The following TMEM178A variants were observed in gnomAD, a reference collection of about 807,000 sequenced individuals.
TMEM178A encodes the protein transmembrane protein 178A.
Under a neutral mutation model 29.1 loss-of-function variants are expected in TMEM178A, and 12 were observed. That is an observed-to-expected ratio of 0.41 (90% CI 0.26 to 0.67). The LOEUF is 0.67. Ranked by LOEUF, TMEM178A falls within the 30% of genes least tolerant of loss-of-function variation. The probability of loss-of-function intolerance (pLI) is 0.29; values close to 1 mark genes in which losing one functional copy is unlikely to be tolerated. For synonymous variants in TMEM178A, 210 were observed against 187.2 expected, an observed-to-expected ratio of 1.12 and a Z score of -0.99; for missense variants, 366 against 419.1, an observed-to-expected ratio of 0.87 and a Z score of 1.11.
intron 1 of TMEM178A, 55 bp downstream of exon 1, chr2:39,666,429 C>G (rs1264388851): frequency 1.6e-6 from 2 of 1,239,830 alleles, no homozygotes; most frequent in African/African-American, 1.6e-5. Context: ...GCGCAGCCCG[C>G]GGCTTCCCAG....
rs947230546 is a variant in TMEM178A at position 39,717,509 on chromosome 2, A to C, written c.*258A>C. 28 of 356,206 alleles carry C rather than the reference A, an allele frequency of 7.9e-5. No homozygotes were observed. The highest frequency in any genetic ancestry group is 7.8e-4 in the Admixed American group (18 of 22,962). 22.1% of individuals were successfully genotyped at this position (356,206 alleles called of 1,614,324 possible). A position where few individuals can be genotyped will look rare whatever the true frequency, so the allele number is the denominator to read the frequency against. On this transcript the variant is annotated 3_prime_UTR_variant, in exon 4 of 4. Transcript: ENST00000281961. ...TGCCATGGGACATTTCTAGGTGTAG[A>C]GAAAGAAGAAACTGCAATGGAAAAA...
chr2:39,704,910 A>G (rs1671957643), intron 2 of TMEM178A, among the ~76,000 whole-genome samples: 1 of 152,212 alleles, frequency 6.6e-6, no homozygotes, highest in East Asian at 1.9e-4. Context: ...TTGGTGGCCA[A>G]AGCCACTGTA....
At position 39,688,971 on chromosome 2, in the gene TMEM178A, A is replaced by T. The variant is rs145661707; in HGVS notation, c.401-15110A>T. 2.5e-3 allele frequency among the ~76,000 whole-genome samples: 381 copies of T among 152,140 alleles called. 1 individual carries two copies. Among genetic ancestry groups the T allele is most frequent in the African/African-American group, 8.6e-3 (357 of 41,482 alleles). Reference sequence around the variant, plus strand: ...TGTTCACGGTATCAAATATGTTTAAATTTTTTTCACACTCTGAGCAGAGCT... The same window carrying T: ...TGTTCACGGTATCAAATATGTTTAATTTTTTTTCACACTCTGAGCAGAGCT... On this transcript the variant is annotated intron_variant, in intron 1 of 3. Coordinates refer to ENST00000281961, the MANE Select transcript of TMEM178A (RefSeq NM_152390.3).
At chr2:39,675,255 G>C (rs1670567631) in intron 1 of TMEM178A, among the ~76,000 whole-genome samples, 1 of 152,122 alleles carries the variant, frequency 6.6e-6, no homozygotes. Context: ...TGAGCTGAAG[G>C]ATGAGTGCTC....
intron 3 of TMEM178A, among the ~76,000 whole-genome samples, chr2:39,708,933 G>A (rs1672181703): frequency 6.6e-6 from 1 of 152,196 alleles, no homozygotes; most frequent in South Asian, 2.1e-4. Flanking sequence ...ACATTAACTG[G>A]GCATTAACAG....
Position 39,717,352 on chromosome 2 carries a change from T to C in TMEM178A, c.*101T>C. 2 of 1,471,170 alleles carry C rather than the reference T, an allele frequency of 1.4e-6. No homozygotes were observed. Among genetic ancestry groups the C allele is most frequent in the South Asian group, 1.4e-5 (1 of 70,568 alleles). 91.1% of individuals were successfully genotyped at this position (1,471,170 alleles called of 1,614,324 possible). A position where few individuals can be genotyped will look rare whatever the true frequency, so the allele number is the denominator to read the frequency against. ...AAGCGGTCTTTTACATTCCAACCTG[T>C]TGCCTGCCAGCCCTTTCTGGATTAC... On this transcript the variant is annotated 3_prime_UTR_variant, in exon 4 of 4. Transcript: ENST00000281961.
chr2:39,689,090 C>A (rs748278375), intron 1 of TMEM178A, among the ~76,000 whole-genome samples: 1 of 152,158 alleles, frequency 6.6e-6, no homozygotes, highest in Non-Finnish European at 1.5e-5. Flanking sequence ...CAGCTTGATC[C>A]AGAGTTCATT....
intron 1 of TMEM178A, among the ~76,000 whole-genome samples, chr2:39,682,450 T>G (rs1670907072): frequency 6.6e-6 from 1 of 152,128 alleles, no homozygotes; most frequent in Non-Finnish European, 1.5e-5. Context: ...AAATATCGTA[T>G]GCTTCTGCTT....
intron 1 of TMEM178A, among the ~76,000 whole-genome samples, chr2:39,701,363 T>A (rs1003862326): frequency 6.6e-6 from 1 of 152,176 alleles, no homozygotes; most frequent in Non-Finnish European, 1.5e-5. Flanking sequence ...GTTTTGAATG[T>A]GTCATCCTAT....
the TMEM178A span, among the ~76,000 whole-genome samples, chr2:39,728,441 A>G: frequency 2.0e-5 from 3 of 152,142 alleles, no homozygotes; most frequent in African/African-American, 4.8e-5. Context: ...ACCAGGAGCT[A>G]GTTCAATTTA....
At chr2:39,669,845 C>T (rs374803514) in intron 1 of TMEM178A, among the ~76,000 whole-genome samples, 7 of 152,318 alleles carry the variant, frequency 4.6e-5, no homozygotes, top group African/African-American at 1.2e-4. Flanking sequence ...AGAGATATTA[C>T]ATTCATACTG....
intron 1 of TMEM178A, among the ~76,000 whole-genome samples, chr2:39,673,394 A>G (rs1035263042): frequency 6.6e-6 from 1 of 152,240 alleles, no homozygotes; most frequent in African/African-American, 2.4e-5. Flanking sequence ...GTTATCTTTA[A>G]TTACTGAGGA....
intron 1 of TMEM178A, among the ~76,000 whole-genome samples, chr2:39,697,091 G>T (rs895545225): frequency 1.3e-5 from 2 of 152,194 alleles, no homozygotes; most frequent in African/African-American, 4.8e-5. Context: ...ATGCCTCCTT[G>T]TGGATTTTAA....
chr2:39,668,441 T>C (rs1365216735), intron 1 of TMEM178A, among the ~76,000 whole-genome samples: 2 of 152,218 alleles, frequency 1.3e-5, no homozygotes, highest in Non-Finnish European at 2.9e-5. Context: ...GAACAGAAGA[T>C]ATGGGCCCCA....
intron 1 of TMEM178A, among the ~76,000 whole-genome samples, chr2:39,680,063 A>G (rs1220832753): frequency 2.0e-5 from 3 of 152,126 alleles, no homozygotes; most frequent in African/African-American, 7.2e-5. Context: ...TTTGCAGTTT[A>G]TTGAGGTGAC....
In TMEM178A at chr2:39,707,111, A is replaced by T. The variant is rs1212912994; in HGVS notation, c.577A>T (p.Ile193Phe). The T allele has an allele frequency of 1.2e-6, 2 of 1,614,040 alleles. No individual in the cohort carries two copies. The highest frequency in any genetic ancestry group is 1.7e-6 in the Non-Finnish European group (2 of 1,180,024). ...CGTAGCCGTCCTTCTCTGCGGCTGCATTGTGGCCACAGTCAGTTTCTTCTG... is the reference window on the plus strand; with the variant it reads ...CGTAGCCGTCCTTCTCTGCGGCTGCTTTGTGGCCACAGTCAGTTTCTTCTG... ...MAVAVLLCGC[I>F]VATVSFFWEE... is the part of the protein sequence containing the mutation. Residue 193 changes from isoleucine (I) to phenylalanine (F), a missense_variant, in exon 3 of 4, where the codon ATT becomes TTT. Ile to Phe is a conservative substitution (Grantham distance 21). This residue lies in a region of TMEM178A where 119 missense variants were observed against 172.2 expected (regional missense o/e 0.69). Transcript: ENST00000281961.
At chr2:39,713,992 A>T (rs2148117630) in intron 3 of TMEM178A, among the ~76,000 whole-genome samples, 1 of 152,290 alleles carries the variant, frequency 6.6e-6, no homozygotes, top group Middle Eastern at 3.4e-3. Flanking sequence ...CTCTTAGTAC[A>T]TTTCCTTGTA....
At chr2:39,666,498 C>A (rs984114225) in intron 1 of TMEM178A, 124 bp downstream of exon 1, 3 of 695,320 alleles carry the variant, frequency 4.3e-6, no homozygotes, top group East Asian at 1.1e-4. Flanking sequence ...GGCATTCTTG[C>A]ATCCTTCCCG....
intron 3 of TMEM178A, among the ~76,000 whole-genome samples, chr2:39,713,178 A>T (rs988285): frequency 6.6e-6 from 1 of 152,140 alleles, no homozygotes; most frequent in Non-Finnish European, 1.5e-5. Flanking sequence ...ACTGAGTCCA[A>T]TTGTGACCAA....
Sources: allele counts gnomAD v4.1 joint callset (sites outside exome capture counted in the v4.1 genomes callset), GRCh38; gene constraint gnomAD v4.1.1; regional missense constraint gnomAD v4.1.1; transcripts MANE v1.5; gene names NCBI Gene and HGNC (gene_info 2026-07-23, HGNC 2026-07-21).